SHANK2: variants seen among roughly 807,000 people sequenced by gnomAD.
SHANK2 encodes SH3 and multiple ankyrin repeat domains protein 2.
SHANK2 carries 43 observed loss-of-function variants against 133.7 expected under a neutral mutation model. The observed-to-expected ratio is 0.32, with a 90% CI of 0.25 to 0.41. The LOEUF is 0.41. Among genes scored for constraint, SHANK2 ranks in the 10% least tolerant of loss-of-function variants. The pLI is 1.00. For missense variants in SHANK2, 1,994 were observed against 2,235.8 expected, an observed-to-expected ratio of 0.89 and a Z score of 2.18; for synonymous variants, 1,017 against 952.8, an observed-to-expected ratio of 1.07 and a Z score of -1.24.
intron 17 of SHANK2, among the ~76,000 whole-genome samples, chr11:70,586,723 G>T (rs1359290227): frequency 6.6e-6 from 1 of 152,186 alleles, no homozygotes; most frequent in South Asian, 2.1e-4. Flanking sequence ...CCTTATCCTA[G>T]GGGAATGGCG....
chr11:70,946,204 CCG>C lies in SHANK2; in HGVS notation c.1108-49639_1108-49638del, dbSNP rs1555085368. Among the ~76,000 whole-genome samples the C allele has an allele frequency of 5.7e-3, 842 of 147,532 alleles. 2 individuals are homozygous for C. Among genetic ancestry groups the C allele is most frequent in the South Asian group, 7.5e-3 (34 of 4,546 alleles). On this transcript the variant is annotated intron_variant, in intron 10 of 25. Transcript: ENST00000601538. ...CCCTTCCCAGGCTCAACCTCCCTCT[CCG>C]CTAACCAACTCTTCCCCAAGCTCAA... is the stretch of plus-strand genomic sequence containing the variant.
chr11:70,518,182 C>T lies in SHANK2; in HGVS notation c.2062-15251G>A, dbSNP rs574075800. Among the ~76,000 whole-genome samples, 8 of 152,298 alleles carry T rather than the reference C, an allele frequency of 5.3e-5. No individual in the cohort carries two copies. The East Asian group carries it at 1.2e-3, about 22-fold the overall frequency. On this transcript the variant is annotated intron_variant, in intron 17 of 25. Coordinates refer to ENST00000601538, the MANE Select transcript of SHANK2 (RefSeq NM_012309.5). Reference sequence around the variant, plus strand: ...GAGAGCACCCACCCAGCCCCTGGGGCGATCATATCCCTCTGCGTTCCCTGG... The same window carrying T: ...GAGAGCACCCACCCAGCCCCTGGGGTGATCATATCCCTCTGCGTTCCCTGG...
intron 2 of SHANK2, among the ~76,000 whole-genome samples, chr11:71,198,994 C>T (rs1555116661): frequency 6.6e-6 from 1 of 152,208 alleles, no homozygotes; most frequent in African/African-American, 2.4e-5. Flanking sequence ...CACCTGCCAC[C>T]ATGCCGCAAT....
At chr11:71,214,209 G>A (rs916036214) in intron 2 of SHANK2, among the ~76,000 whole-genome samples, 3 of 152,178 alleles carry the variant, frequency 2.0e-5, no homozygotes, top group African/African-American at 7.2e-5. Context: ...CTGCTCTTGG[G>A]AAATGTAAGC....
chr11:70,611,548 A>C (rs1329974756), intron 17 of SHANK2, among the ~76,000 whole-genome samples: 4 of 152,222 alleles, frequency 2.6e-5, no homozygotes, highest in African/African-American at 7.2e-5. Flanking sequence ...GTTTGGAAGG[A>C]CAGAGTGACA....
chr11:70,891,265 A>G (rs560298435), intron 11 of SHANK2, among the ~76,000 whole-genome samples: 73 of 152,222 alleles, frequency 4.8e-4, no homozygotes, highest in Non-Finnish European at 8.8e-4. Flanking sequence ...CTGTAATCCC[A>G]GCACTTTGGG....
At chr11:70,909,034 C>A (rs575641611) in intron 10 of SHANK2, among the ~76,000 whole-genome samples, 2 of 152,124 alleles carry the variant, frequency 1.3e-5, no homozygotes, top group Non-Finnish European at 2.9e-5. Context: ...AAAACATCAG[C>A]GTGTAAGTTT....
chr11:71,212,359 T>C (rs781877154), intron 2 of SHANK2, among the ~76,000 whole-genome samples: 9 of 152,242 alleles, frequency 5.9e-5, no homozygotes, highest in Non-Finnish European at 8.8e-5. Flanking sequence ...TCTTAAAATC[T>C]GCAATTTAAA....
chr11:70,742,831 C>T (rs1946557640), intron 14 of SHANK2, among the ~76,000 whole-genome samples: 1 of 151,608 alleles, frequency 6.6e-6, no homozygotes. Context: ...TGGAGTCTCC[C>T]TGCACAGGTG....
intron 17 of SHANK2, among the ~76,000 whole-genome samples, chr11:70,607,234 G>A (rs1460670688): frequency 6.6e-6 from 1 of 152,218 alleles, no homozygotes; most frequent in African/African-American, 2.4e-5. Flanking sequence ...CCCAGGTCAC[G>A]TACCCTAGGT....
intron 17 of SHANK2, among the ~76,000 whole-genome samples, chr11:70,616,809 T>TC (rs1157548375): frequency 6.6e-6 from 1 of 151,864 alleles, no homozygotes; most frequent in African/African-American, 2.4e-5. Context: ...TCCTGACCAG[T>TC]CCCCAGGCGA....
chr11:70,655,911 T>G (rs1265656818), intron 17 of SHANK2, among the ~76,000 whole-genome samples: 1 of 152,140 alleles, frequency 6.6e-6, no homozygotes. Context: ...GCCTCATGAT[T>G]CTGATTCAGG....
intron 17 of SHANK2, among the ~76,000 whole-genome samples, chr11:70,646,834 TTTATTTA>T (rs782091381): frequency 0.018 from 1,414 of 77,656 alleles, 20 homozygotes; most frequent in African/African-American, 0.048. Context: ...ATTTATTTTA[TTTATTTA>T]TTTATTTATT....
At chr11:70,631,375 T>TACATAC (rs1831364651) in intron 17 of SHANK2, 1 of 143,390 alleles carries the variant, frequency 7.0e-6, no homozygotes, top group African/African-American at 2.6e-5. Context: ...TTCCCGGAGT[T>TACATAC]ACACACACAC....
chr11:70,577,344 G>C (rs1391791512), intron 17 of SHANK2, among the ~76,000 whole-genome samples: 2 of 152,224 alleles, frequency 1.3e-5, no homozygotes, highest in Non-Finnish European at 2.9e-5. Context: ...TGGAGAGTGA[G>C]GAGGGCCGTG....
At chr11:70,505,024 A>G (rs1454865835) in intron 17 of SHANK2, among the ~76,000 whole-genome samples, 1 of 152,168 alleles carries the variant, frequency 6.6e-6, no homozygotes, top group Non-Finnish European at 1.5e-5. Context: ...ATCTGTGGGA[A>G]GTTTGCGTCC....
intron 11 of SHANK2, among the ~76,000 whole-genome samples, chr11:70,848,656 T>A (rs1220877111): frequency 1.3e-5 from 2 of 152,164 alleles, no homozygotes; most frequent in Admixed American, 1.3e-4. Context: ...AGACCTGTGC[T>A]TTGCAGAGCA....
intron 2 of SHANK2, among the ~76,000 whole-genome samples, chr11:71,222,825 T>G (rs1375821121): frequency 6.6e-6 from 1 of 152,230 alleles, no homozygotes; most frequent in East Asian, 1.9e-4. Flanking sequence ...CTCATATGCA[T>G]CCTTGTGACA....
Position 70,502,848 on chromosome 11 carries a change from C to A in SHANK2, c.2145G>T (p.Lys715Asn). ...IRQGGNHLVL[K>N]VVTVTRNLDP... ...CCAGATTCCTGGTCACCGTGACCACCTTAAGGACCAGGTGATTCCCTCCCT... is the reference window on the plus strand; with the variant it reads ...CCAGATTCCTGGTCACCGTGACCACATTAAGGACCAGGTGATTCCCTCCCT... The change falls in exon 18 of 26, where the codon AAG becomes AAT. Residue 715 changes from lysine to asparagine, a missense_variant. By Grantham distance (94) the Lys-to-Asn change is moderately conservative. Coordinates refer to ENST00000601538, the MANE Select transcript of SHANK2 (RefSeq NM_012309.5). The A allele has an allele frequency of 6.2e-7, 1 of 1,613,758 alleles. No individual in the cohort carries two copies.
Sources: allele counts gnomAD v4.1 joint callset (sites outside exome capture counted in the v4.1 genomes callset), GRCh38; gene constraint gnomAD v4.1.1; transcripts MANE v1.5; gene names NCBI Gene and HGNC (gene_info 2026-07-23, HGNC 2026-07-21).